The following PELI2 variants were observed in gnomAD, a reference collection of about 807,000 sequenced individuals.
PELI2 encodes the protein E3 ubiquitin-protein ligase pellino homolog 2.
Under a neutral mutation model 42.3 loss-of-function variants are expected in PELI2, and 23 were observed. That is an observed-to-expected ratio of 0.54 (90% confidence interval 0.39 to 0.77). The LOEUF is 0.77. Ranked by LOEUF, PELI2 falls within the 30% of genes least tolerant of loss-of-function variation. PELI2 has a pLI of 0.00. For missense variants in PELI2, 463 were observed against 553.2 expected, an observed-to-expected ratio of 0.84 and a Z score of 1.64; for synonymous variants, 245 against 212.2, an observed-to-expected ratio of 1.15 and a Z score of -1.34.
chr14:56,206,750 T>A (rs1041382178), intron 2 of PELI2, among the ~76,000 whole-genome samples: 1 of 152,212 alleles, frequency 6.6e-6, no homozygotes, highest in Non-Finnish European at 1.5e-5. Flanking sequence ...TTTATCAATC[T>A]AATACCAATT....
chr14:56,172,576 C>T (rs1346174582), intron 1 of PELI2, among the ~76,000 whole-genome samples: 1 of 152,080 alleles, frequency 6.6e-6, no homozygotes, highest in Non-Finnish European at 1.5e-5. Flanking sequence ...GGTGTGCCGG[C>T]TGTATGATGA....
chr14:56,263,225 TGCTGGGATTACA>T (rs1359438655), intron 2 of PELI2, among the ~76,000 whole-genome samples: 2 of 152,164 alleles, frequency 1.3e-5, no homozygotes, highest in Non-Finnish European at 2.9e-5. Flanking sequence ...CCTCCCAAAG[TGCTGGGATTACA>T]GGCATGAGCC....
At chr14:56,221,664 A>G (rs151265335) in intron 2 of PELI2, among the ~76,000 whole-genome samples, 1,571 of 151,030 alleles carry the variant, frequency 0.01, 19 homozygotes, top group Non-Finnish European at 0.017. Context: ...TAGATGCTCA[A>G]AGGGAAATTG....
At chr14:56,196,170 A>G (rs1160103982) in intron 2 of PELI2, among the ~76,000 whole-genome samples, 3 of 152,244 alleles carry the variant, frequency 2.0e-5, no homozygotes, top group Non-Finnish European at 2.9e-5. Flanking sequence ...TAAAGGCTAC[A>G]GAGAAGAGAT....
chr14:56,182,919 G>A (rs1885637200), intron 2 of PELI2, among the ~76,000 whole-genome samples: 1 of 152,184 alleles, frequency 6.6e-6, no homozygotes, highest in South Asian at 2.1e-4. Context: ...TCATGGCAGT[G>A]AGTGGCGTTG....
intron 2 of PELI2, among the ~76,000 whole-genome samples, chr14:56,279,040 CT>C (rs1889390296): frequency 6.6e-6 from 1 of 151,914 alleles, no homozygotes; most frequent in Non-Finnish European, 1.5e-5. Context: ...AGAATATTAG[CT>C]TTTTCTGGCC....
chr14:56,183,950 T>C (rs985639170), intron 2 of PELI2, among the ~76,000 whole-genome samples: 2 of 152,162 alleles, frequency 1.3e-5, no homozygotes, highest in Non-Finnish European at 2.9e-5. Context: ...TTTGATGCTG[T>C]CTCACTTATA....
At chr14:56,141,426 G>A (rs1291566089) in intron 1 of PELI2, among the ~76,000 whole-genome samples, 1 of 152,038 alleles carries the variant, frequency 6.6e-6, no homozygotes. Flanking sequence ...TTTCGTCTTT[G>A]GTCTGTTAGG....
chr14:56,249,156 A>G (rs766144742), intron 2 of PELI2, among the ~76,000 whole-genome samples: 3 of 152,168 alleles, frequency 2.0e-5, no homozygotes, highest in Non-Finnish European at 2.9e-5. Context: ...TTAGTTTCCA[A>G]ACATTCACAT....
intron 2 of PELI2, among the ~76,000 whole-genome samples, chr14:56,222,975 C>T (rs889894807): frequency 6.6e-6 from 1 of 152,122 alleles, no homozygotes; most frequent in Non-Finnish European, 1.5e-5. Context: ...GATACCTTGG[C>T]AAATGGTGAA....
At position 56,223,111 on chromosome 14, in the gene PELI2, C is replaced by T. The variant is rs568689753; in HGVS notation, c.207+44647C>T. 5.3e-5 allele frequency among the ~76,000 whole-genome samples: 8 copies of T among 152,262 alleles called. No individual in the cohort carries two copies. The South Asian group carries it at 1.5e-3, about 28-fold the overall frequency. ...GACCCCTGATGCTCGTGCCTCCGTC[C>T]ACCTCTACAGCCTGTGGCCAAAACC... On this transcript the variant is annotated intron_variant, in intron 2 of 5. Coordinates refer to ENST00000267460, the MANE Select transcript of PELI2 (RefSeq NM_021255.3).
intron 5 of PELI2, among the ~76,000 whole-genome samples, chr14:56,291,516 TAAA>T (rs201811872): frequency 1.3e-5 from 2 of 150,946 alleles, no homozygotes; most frequent in Non-Finnish European, 3.0e-5. Context: ...AAGCATTTTC[TAAA>T]AAAAAAGCAA....
At chr14:56,183,790 AAAC>A (rs1243973064) in intron 2 of PELI2, among the ~76,000 whole-genome samples, 1 of 152,180 alleles carries the variant, frequency 6.6e-6, no homozygotes, top group East Asian at 1.9e-4. Context: ...GAAATATATT[AAAC>A]TTTATTAGTC....
In PELI2 at chr14:56,296,657, A is replaced by T; in HGVS notation, c.754A>T (p.Thr252Ser). ...CTCCCTCATTGACCTGTGTGGGGCC[A>T]CTCTCCTCTGGAGAACAGCAGATGG... ...DGSLIDLCGA[T>S]LLWRTADGLF... is the part of the protein sequence containing the mutation. Residue 252 changes from threonine to serine, a missense_variant, in exon 6 of 6, where the codon ACT (threonine) becomes TCT (serine). Transcript: ENST00000267460. The T allele has an allele frequency of 6.2e-7, 1 of 1,614,018 alleles. No homozygotes were observed. The highest frequency in any genetic ancestry group is 8.5e-7 in the Non-Finnish European group (1 of 1,179,922).
intron 1 of PELI2, among the ~76,000 whole-genome samples, chr14:56,158,348 A>C (rs974064857): frequency 2.8e-4 from 41 of 149,082 alleles, no homozygotes; most frequent in Admixed American, 2.5e-3. Flanking sequence ...TTTTAATTTA[A>C]TTTAATTTTT....
chr14:56,215,138 T>C lies in PELI2; in HGVS notation c.207+36674T>C, dbSNP rs552064899. Among the ~76,000 whole-genome samples, 11 of 152,360 alleles carry C rather than the reference T, an allele frequency of 7.2e-5. No individual in the cohort carries two copies. In the South Asian group the frequency reaches 1.9e-3, roughly 26 times the overall value. On this transcript the variant is annotated intron_variant, in intron 2 of 5. Transcript: ENST00000267460. ...CTTATCTATGTGACAGTCTCACTTC[T>C]AATAGAGATAACATCAGAATAGATT...
chr14:56,128,495 A>G (rs1883361978), intron 1 of PELI2, among the ~76,000 whole-genome samples: 1 of 152,112 alleles, frequency 6.6e-6, no homozygotes, highest in African/African-American at 2.4e-5. Context: ...CTCTTGCTTG[A>G]TTATTTCCAC....
intron 1 of PELI2, among the ~76,000 whole-genome samples, chr14:56,166,381 A>G (rs1884963736): frequency 6.6e-6 from 1 of 152,176 alleles, no homozygotes; most frequent in Non-Finnish European, 1.5e-5. Context: ...TCATCTTTCT[A>G]CTTAGGATAA....
intron 2 of PELI2, among the ~76,000 whole-genome samples, chr14:56,220,239 G>A (rs1324481225): frequency 3.9e-5 from 6 of 152,104 alleles, no homozygotes; most frequent in Non-Finnish European, 7.4e-5. Context: ...AGGATTGATG[G>A]TTTAACTCTC....
Sources: allele counts gnomAD v4.1 joint callset (sites outside exome capture counted in the v4.1 genomes callset), GRCh38; gene constraint gnomAD v4.1.1; transcripts MANE v1.5; gene names NCBI Gene and HGNC (gene_info 2026-07-23, HGNC 2026-07-21).